KLHL22: variants seen among roughly 807,000 people sequenced by gnomAD.
The protein encoded by KLHL22 is kelch-like protein 22.
A neutral mutation model predicts 60.7 loss-of-function variants in KLHL22; 18 were observed. That is an observed-to-expected ratio of 0.30 (90% CI 0.20 to 0.44). KLHL22 has a LOEUF of 0.44. Among genes scored for constraint, KLHL22 ranks in the 20% least tolerant of loss-of-function variants. The probability of loss-of-function intolerance (pLI) is 1.00; values close to 1 mark genes in which losing one functional copy is unlikely to be tolerated. For synonymous variants in KLHL22, 355 were observed against 354.5 expected, an observed-to-expected ratio of 1.00 and a Z score of -0.01; for missense variants, 596 against 852.3, an observed-to-expected ratio of 0.70 and a Z score of 3.74.
chr22:20,482,197 G>A (rs979625429), intron 2 of KLHL22: 1 of 152,304 alleles, frequency 6.6e-6, no homozygotes, highest in African/African-American at 2.4e-5. Context: ...CTATAGGTTT[G>A]AGCCACCACG....
chr22:20,457,070 G>T (rs752684051), intron 5 of KLHL22, among the ~76,000 whole-genome samples: 1 of 151,984 alleles, frequency 6.6e-6, no homozygotes. Context: ...TGTTCTCGGA[G>T]GCTGAGACCC....
intron 5 of KLHL22, among the ~76,000 whole-genome samples, chr22:20,457,041 G>C (rs1375016354): frequency 6.7e-6 from 1 of 148,736 alleles, no homozygotes; most frequent in Non-Finnish European, 1.5e-5. Context: ...GGTACCCCTA[G>C]TACTGCTAGG....
chr22:20,482,331 T>C (rs921975373), intron 2 of KLHL22: 1 of 157,998 alleles, frequency 6.3e-6, no homozygotes, highest in Non-Finnish European at 1.4e-5. Flanking sequence ...CATGAATTGA[T>C]GGAATGCCAT....
chr22:20,450,523 C>G, intron 5 of KLHL22: 1 of 1,614,094 alleles, frequency 6.2e-7, no homozygotes, highest in East Asian at 2.2e-5. Flanking sequence ...TTCTAATTGC[C>G]TGGGTATTAG....
chr22:20,456,358 T>C (rs2053062209), intron 5 of KLHL22: 5 of 152,214 alleles, frequency 3.3e-5, no homozygotes, highest in Admixed American at 2.6e-4. Flanking sequence ...TGGTGCTTAG[T>C]AGTTGCGGAA....
intron 5 of KLHL22, among the ~76,000 whole-genome samples, chr22:20,455,598 C>T (rs2053050813): frequency 6.6e-6 from 1 of 152,152 alleles, no homozygotes; most frequent in South Asian, 2.1e-4. Context: ...AGTCCCAACC[C>T]CTCTTTCAGT....
intron 2 of KLHL22, among the ~76,000 whole-genome samples, chr22:20,472,879 G>C (rs2053350439): frequency 6.6e-6 from 1 of 152,192 alleles, no homozygotes; most frequent in Non-Finnish European, 1.5e-5. Context: ...ATAAGGCTGA[G>C]AGGGTGTAGG....
chr22:20,477,600 C>T (rs1463909580), intron 2 of KLHL22, among the ~76,000 whole-genome samples: 1 of 151,988 alleles, frequency 6.6e-6, no homozygotes. Flanking sequence ...GAGACTCTGT[C>T]TCTTAAAAAA....
intron 5 of KLHL22, among the ~76,000 whole-genome samples, chr22:20,448,689 G>A (rs770867305): frequency 7.3e-5 from 11 of 151,492 alleles, no homozygotes; most frequent in Non-Finnish European, 1.6e-4. Flanking sequence ...CTCAGCCTCC[G>A]GAGTAGCTGG....
chr22:20,451,992 G>A (rs536530811), intron 5 of KLHL22, among the ~76,000 whole-genome samples: 89 of 152,150 alleles, frequency 5.8e-4, no homozygotes, highest in African/African-American at 2.1e-3. Flanking sequence ...CCTCGTCCTG[G>A]TTGTTGTTCC....
In KLHL22 at chr22:20,465,076, C is replaced by G. The variant is rs756641769; in HGVS notation, c.894G>C (p.Gln298His). 1 of 1,613,250 alleles carries G rather than the reference C, an allele frequency of 6.2e-7. No individual in the cohort carries two copies. Among genetic ancestry groups the G allele is most frequent in the Non-Finnish European group, 8.5e-7 (1 of 1,179,536 alleles). ...GAATGCCCCCGAAGCCCACAACGCA[C>G]TGGAAGTCCGACCGCAGCTCCGTTT... ...SPQTELRSDF[Q>H]CVVGFGGIHS... Residue 298 changes from glutamine to histidine, a missense_variant, in exon 4 of 7, where the codon CAG (glutamine) becomes CAC (histidine). By Grantham distance (24) the Gln-to-His change is conservative. Transcript: ENST00000328879. This position sits in a 1 kb window ranked among gnomAD's most constrained non-coding sequence, Gnocchi z 4.9.
At chr22:20,448,622 TG>T (rs2052919735) in intron 5 of KLHL22, among the ~76,000 whole-genome samples, 1 of 152,216 alleles carries the variant, frequency 6.6e-6, no homozygotes, top group East Asian at 1.9e-4. Context: ...TGGAATATAG[TG>T]GCACAATCTT....
intron 5 of KLHL22, chr22:20,450,962 T>G (rs1166085678): frequency 1.9e-6 from 3 of 1,603,178 alleles, no homozygotes; most frequent in Non-Finnish European, 2.6e-6. Flanking sequence ...GCCAATGAAG[T>G]GCTTTTGGTG....
At chr22:20,462,639 C>T (rs1255141834) in intron 4 of KLHL22, among the ~76,000 whole-genome samples, 2 of 151,662 alleles carry the variant, frequency 1.3e-5, no homozygotes, top group Non-Finnish European at 2.9e-5. Context: ...GGATTATTGA[C>T]ATGATCTGCA....
rs557262358 is a variant in KLHL22 at position 20,480,690 on chromosome 22, C to T, written c.227+8295G>A. Among the ~76,000 whole-genome samples the T allele has an allele frequency of 2.8e-4, 43 of 152,180 alleles. No individual in the cohort carries two copies. The South Asian group carries it at 8.3e-3, about 29-fold the overall frequency. Reference sequence around the variant, plus strand: ...ATCTTATATCCCACGGGATCTGGGTCGGTGCCTCCTCTTCAAACACCTTAA... The same window carrying T: ...ATCTTATATCCCACGGGATCTGGGTTGGTGCCTCCTCTTCAAACACCTTAA... On this transcript the variant is annotated intron_variant, in intron 2 of 6. Transcript: ENST00000328879.
intron 5 of KLHL22, chr22:20,450,452 T>C: frequency 1.3e-6 from 2 of 1,596,826 alleles, no homozygotes; most frequent in Non-Finnish European, 1.7e-6. Flanking sequence ...GCAGCCTGTC[T>C]GCTTCAGTTG....
At chr22:20,453,016 G>C (rs1250072841) in intron 5 of KLHL22, among the ~76,000 whole-genome samples, 1 of 152,118 alleles carries the variant, frequency 6.6e-6, no homozygotes, top group Non-Finnish European at 1.5e-5. Context: ...GTTAGTTTCA[G>C]TACCTCAGCT....
At chr22:20,457,479 TG>T (rs1386594529) in intron 5 of KLHL22, among the ~76,000 whole-genome samples, 2 of 152,122 alleles carry the variant, frequency 1.3e-5, no homozygotes, top group African/African-American at 4.8e-5. Flanking sequence ...AAAGAGCAAA[TG>T]TTCTATCCAC....
chr22:20,483,337 T>A lies in KLHL22; in HGVS notation c.227+5648A>T, dbSNP rs1028143364. On this transcript the variant is annotated intron_variant, in intron 2 of 6. Transcript: ENST00000328879. ...CTGTCGTTTCTTCCGAGCCAGCTCA[T>A]CATATTGAGCCTGGATGTCTGCCAC... 4.1e-6 allele frequency: 3 copies of A among 732,658 alleles called. No homozygotes were observed. The African/African-American group carries it at 5.2e-5, about 13-fold the overall frequency. The allele number at this position is 732,658 out of a possible 1,614,324, so 45.4% of individuals were successfully genotyped here.
Sources: allele counts gnomAD v4.1 joint callset (sites outside exome capture counted in the v4.1 genomes callset), GRCh38; gene constraint gnomAD v4.1.1; non-coding constraint Gnocchi (gnomAD v3.1); transcripts MANE v1.5; gene names NCBI Gene and HGNC (gene_info 2026-07-23, HGNC 2026-07-21).